Variants in RBFOX1 observed in about 807,000 individuals in gnomAD.
The protein encoded by RBFOX1 is RNA binding fox-1 homolog 1.
Under a neutral mutation model 57.7 loss-of-function variants are expected in RBFOX1, and 8 were observed. The observed-to-expected ratio is 0.14, with a 90% confidence interval of 0.08 to 0.25. The LOEUF (loss-of-function observed/expected upper bound fraction) is 0.25, where lower values mean the gene tolerates loss of function less well. Ranked by LOEUF, RBFOX1 falls within the 10% of genes least tolerant of loss-of-function variation. The pLI is 1.00. For missense variants in RBFOX1, 611 were observed against 548.5 expected (o/e 1.11, Z -1.14); for synonymous variants, 326 against 222.4 (o/e 1.47, Z -4.15).
intron 4 of RBFOX1, among the ~76,000 whole-genome samples, chr16:5,989,488 T>A (rs537439274): frequency 5.6e-4 from 86 of 152,252 alleles, no homozygotes; most frequent in African/African-American, 2.0e-3. Context: ...ATTTTTAATG[T>A]TGTGTTCAAA....
At chr16:7,375,195 A>T (rs779009722) in intron 4 of RBFOX1, among the ~76,000 whole-genome samples, 13 of 152,366 alleles carry the variant, frequency 8.5e-5, no homozygotes, top group Non-Finnish European at 1.6e-4. Context: ...AAAGATTCTG[A>T]AGATCAGAGA....
intron 3 of RBFOX1, among the ~76,000 whole-genome samples, chr16:5,823,183 C>T (rs908011959): frequency 6.6e-5 from 10 of 152,142 alleles, no homozygotes; most frequent in East Asian, 3.9e-4. Flanking sequence ...AGAGGGCAGT[C>T]GGATACTGAC....
chr16:6,953,204 T>C (rs2081114885), intron 3 of RBFOX1, among the ~76,000 whole-genome samples: 1 of 152,140 alleles, frequency 6.6e-6, no homozygotes, highest in African/African-American at 2.4e-5. Context: ...GCTGGGTATG[T>C]GTCCGGTGCT....
At chr16:7,335,570 T>C (rs1271635178) in intron 4 of RBFOX1, among the ~76,000 whole-genome samples, 1 of 146,028 alleles carries the variant, frequency 6.8e-6, no homozygotes, top group Non-Finnish European at 1.5e-5. Context: ...CCTGTTTTAG[T>C]TGCCTCAGAT....
chr16:5,744,214 C>T (rs2052887675), intron 3 of RBFOX1, among the ~76,000 whole-genome samples: 1 of 152,162 alleles, frequency 6.6e-6, no homozygotes, highest in African/African-American at 2.4e-5. Flanking sequence ...TGGCATGCTC[C>T]TGAAACCCCT....
At chr16:7,698,220 A>G (rs1216302576) in intron 14 of RBFOX1, among the ~76,000 whole-genome samples, 3 of 141,920 alleles carry the variant, frequency 2.1e-5, no homozygotes, top group Non-Finnish European at 3.2e-5. Context: ...GTGTGTATAA[A>G]GGGGGTAGGT....
chr16:7,303,880 C>A (rs1228911708), intron 4 of RBFOX1, among the ~76,000 whole-genome samples: 1 of 151,742 alleles, frequency 6.6e-6, no homozygotes, highest in Non-Finnish European at 1.5e-5. Context: ...CCTTGCCCCC[C>A]TCCCATTCAG....
chr16:7,170,869 C>T (rs1368171243), intron 4 of RBFOX1, among the ~76,000 whole-genome samples: 1 of 152,170 alleles, frequency 6.6e-6, no homozygotes, highest in African/African-American at 2.4e-5. Context: ...CTGCTCTGCG[C>T]AGTTGAGGGT....
intron 1 of RBFOX1, among the ~76,000 whole-genome samples, chr16:5,415,428 T>G (rs927975031): frequency 2.0e-5 from 3 of 152,098 alleles, no homozygotes; most frequent in Non-Finnish European, 4.4e-5. Flanking sequence ...GGATTACAAT[T>G]AGAGATGAGA....
intron 3 of RBFOX1, among the ~76,000 whole-genome samples, chr16:6,929,971 G>A (rs2076238606): frequency 6.6e-6 from 1 of 152,138 alleles, no homozygotes; most frequent in Admixed American, 6.6e-5. Context: ...CAGAATGACT[G>A]GCAAACCTGT....
At position 7,169,755 on chromosome 16, in the gene RBFOX1, C is replaced by T. The variant is rs182295473; in HGVS notation, c.27+117657C>T. Among the ~76,000 whole-genome samples the T allele has an allele frequency of 5.9e-5, 9 of 152,296 alleles. No individual in the cohort carries two copies. The East Asian group carries it at 1.2e-3, about 20-fold the overall frequency. ...TTAATTCATCTGCCTTCTCCTCTTA[C>T]ATGGGTATTTTCACATTTTAAAAAT... On this transcript the variant is annotated intron_variant, in intron 4 of 15. Transcript: ENST00000550418.
chr16:5,525,995 C>G (rs529075721), intron 2 of RBFOX1, among the ~76,000 whole-genome samples: 6 of 151,650 alleles, frequency 4.0e-5, no homozygotes, highest in South Asian at 2.1e-4. Context: ...GGTATCAAGG[C>G]TGGGATAGTC....
chr16:6,491,352 T>C (rs2095628966), intron 2 of RBFOX1, among the ~76,000 whole-genome samples: 1 of 152,108 alleles, frequency 6.6e-6, no homozygotes, highest in African/African-American at 2.4e-5. Flanking sequence ...GAAATAAAGA[T>C]AACTAGTGAT....
chr16:5,612,058 C>T (rs1212030794), intron 3 of RBFOX1, among the ~76,000 whole-genome samples: 2 of 151,792 alleles, frequency 1.3e-5, no homozygotes, highest in Non-Finnish European at 2.9e-5. Context: ...ATCCATCTCT[C>T]CATCTAGTCT....
intron 1 of RBFOX1, among the ~76,000 whole-genome samples, chr16:6,177,265 A>C (rs895355103): frequency 6.6e-6 from 1 of 151,728 alleles, no homozygotes; most frequent in African/African-American, 2.4e-5. Context: ...ACTGTCTAAA[A>C]TAAATAGCTT....
At chr16:7,258,072 A>G (rs562651640) in intron 4 of RBFOX1, among the ~76,000 whole-genome samples, 1 of 152,294 alleles carries the variant, frequency 6.6e-6, no homozygotes, top group East Asian at 1.9e-4. Flanking sequence ...GAAATATAAA[A>G]TTCAGTTGGC....
chr16:7,660,403 C>T (rs983904517), intron 12 of RBFOX1, among the ~76,000 whole-genome samples: 3 of 152,170 alleles, frequency 2.0e-5, no homozygotes, highest in Non-Finnish European at 2.9e-5. Flanking sequence ...CCTAACTGTT[C>T]CGTGGTTAAT....
At chr16:6,572,995 C>G (rs1165671071) in intron 2 of RBFOX1, among the ~76,000 whole-genome samples, 1 of 152,188 alleles carries the variant, frequency 6.6e-6, no homozygotes, top group Non-Finnish European at 1.5e-5. Flanking sequence ...GAACTCAAGT[C>G]TAGTCAGGGA....
intron 4 of RBFOX1, among the ~76,000 whole-genome samples, chr16:7,351,353 C>A (rs1438098916): frequency 6.6e-6 from 1 of 152,232 alleles, no homozygotes; most frequent in Admixed American, 6.5e-5. Flanking sequence ...TTTGATAATT[C>A]TTTAGACATG....
Sources: allele counts gnomAD v4.1 joint callset (sites outside exome capture counted in the v4.1 genomes callset), GRCh38; gene constraint gnomAD v4.1.1; transcripts MANE v1.5; gene names NCBI Gene and HGNC (gene_info 2026-07-23, HGNC 2026-07-21).